EEF2KMT: variants seen among roughly 807,000 people sequenced by gnomAD.
The protein encoded by EEF2KMT is eukaryotic elongation factor 2 lysine methyltransferase, also known as protein-lysine N-methyltransferase EEF2KMT.
Under a neutral mutation model 35.1 loss-of-function variants are expected in EEF2KMT, and 30 were observed. That is an observed-to-expected ratio of 0.85 (90% CI 0.64 to 1.16). The LOEUF (loss-of-function observed/expected upper bound fraction) is 1.16, where lower values mean the gene tolerates loss of function less well. Among genes scored for constraint, EEF2KMT ranks in the 50% most tolerant of loss-of-function variants. EEF2KMT has a pLI of 0.00. For missense variants in EEF2KMT, 499 were observed against 438.2 expected (o/e 1.14, Z -1.24); for synonymous variants, 190 against 187.7 (o/e 1.01, Z -0.10).
chr16:5,086,374 CCACACACA>C (rs1219969980), intron 7 of EEF2KMT: 2 of 150,516 alleles, frequency 1.3e-5, no homozygotes, highest in Non-Finnish European at 2.9e-5. Context: ...ACACACACAC[CCACACACA>C]CACACAGCTT....
intron 4 of EEF2KMT, among the ~76,000 whole-genome samples, chr16:5,091,592 C>T (rs999909760): frequency 6.6e-6 from 1 of 152,226 alleles, no homozygotes; most frequent in African/African-American, 2.4e-5. Context: ...GATAAGTGCC[C>T]AACAACTCCA....
chr16:5,085,083 A>C lies in EEF2KMT; in HGVS notation c.*549T>G. ...CTTGATTTCTTCTCTGGAGGCTTGG[A>C]AACGCTTCCTCTCTTCTTCTGTTCT... On this transcript the variant is annotated 3_prime_UTR_variant, in exon 8 of 8. Coordinates refer to ENST00000427587, the MANE Select transcript of EEF2KMT (RefSeq NM_201400.4). 7.7e-6 allele frequency: 7 copies of C among 910,750 alleles called. No homozygotes were observed. The South Asian group carries it at 1.1e-4, about 15-fold the overall frequency. The allele number at this position is 910,750 out of a possible 1,614,324, so 56.4% of individuals were successfully genotyped here.
In EEF2KMT at chr16:5,097,681, A is replaced by G. The variant is rs1350952333; in HGVS notation, c.59T>C (p.Phe20Ser). ...ELLLQSFERR[F>S]LAARTLRSFP... Reference sequence around the variant, plus strand: ...GGAGCGCAGTGTGCGTGCCGCCAGGAAGCGGCGCTCGAAACTCTGCAGCAA... The same window carrying G: ...GGAGCGCAGTGTGCGTGCCGCCAGGGAGCGGCGCTCGAAACTCTGCAGCAA... The change falls in exon 1 of 8, where the codon TTC becomes TCC. Residue 20 changes from phenylalanine to serine, a missense_variant. Phe to Ser is a radical substitution (Grantham distance 155). Coordinates refer to ENST00000427587, the MANE Select transcript of EEF2KMT (RefSeq NM_201400.4). 4 of 1,580,666 alleles carry G rather than the reference A, an allele frequency of 2.5e-6. No homozygotes were observed. The South Asian group carries it at 4.6e-5, about 18-fold the overall frequency.
Position 5,089,125 on chromosome 16 carries a change from G to C in EEF2KMT, c.874C>G (p.Leu292Val), listed in dbSNP as rs1461515785. The C allele has an allele frequency of 5.0e-6, 8 of 1,612,738 alleles. No individual in the cohort carries two copies. The highest frequency in any genetic ancestry group is 1.7e-5 in the Admixed American group (1 of 60,002). The change falls in exon 7 of 8, where the codon CTG (leucine) becomes GTG (valine). Residue 292 changes from leucine (L) to valine (V), a missense_variant. By Grantham distance (32) the Leu-to-Val change is conservative. Coordinates refer to ENST00000427587, the MANE Select transcript of EEF2KMT (RefSeq NM_201400.4). ...GGCTCACCTAGCTCGGTGGTGAACA[G>C]CTGGCACGTCTCTGGGTTGCGGACG... ...FTVRNPETCQLFTTELGRAGI... is the reference protein window; with the variant it reads ...FTVRNPETCQVFTTELGRAGI...
chr16:5,097,225 G>A (rs1346342089), intron 1 of EEF2KMT: 10 of 1,175,202 alleles, frequency 8.5e-6, no homozygotes, highest in Non-Finnish European at 1.1e-5. Flanking sequence ...TGAGAATACT[G>A]AGGCACGAGG....
chr16:5,091,035 C>T (rs549025095), intron 4 of EEF2KMT, among the ~76,000 whole-genome samples: 33 of 152,220 alleles, frequency 2.2e-4, no homozygotes, highest in African/African-American at 7.2e-4. Flanking sequence ...CTGCCTCAGC[C>T]GCCCAGGTAG....
chr16:5,088,262 G>A (rs1343538747), intron 7 of EEF2KMT, among the ~76,000 whole-genome samples: 1 of 29,160 alleles, frequency 3.4e-5, no homozygotes, highest in Non-Finnish European at 7.3e-5. Context: ...CGAGGTTGTG[G>A]GGGGACTCTG....
Position 5,091,807 on chromosome 16 carries a change from C to T in EEF2KMT, c.329G>A (p.Arg110Gln), listed in dbSNP as rs556347926. 9.1e-5 allele frequency: 147 copies of T among 1,611,782 alleles called. No individual in the cohort carries two copies. The highest frequency in any genetic ancestry group is 2.5e-4 in the Admixed American group (15 of 60,008). Residue 110 changes from arginine to glutamine, a missense_variant, in exon 4 of 8, where the codon CGG becomes CAG. By Grantham distance (43) the Arg-to-Gln change is conservative (BLOSUM62 1). Coordinates refer to ENST00000427587, the MANE Select transcript of EEF2KMT (RefSeq NM_201400.4). ...CCCTTCTCATACCAGCAAATAGCTCCGGTGGCCCTGGGTGGACTCCTTGGC... is the reference window on the plus strand; with the variant it reads ...CCCTTCTCATACCAGCAAATAGCTCTGGTGGCCCTGGGTGGACTCCTTGGC... ...LMAKESTQGHRSYLLPSGGSV... is the reference protein window; with the variant it reads ...LMAKESTQGHQSYLLPSGGSV...
chr16:5,094,161 G>A (rs566785626), intron 2 of EEF2KMT, among the ~76,000 whole-genome samples: 3 of 152,346 alleles, frequency 2.0e-5, no homozygotes, highest in South Asian at 2.1e-4. Context: ...TGGAGGGAGA[G>A]GGAGGAGACG....
In EEF2KMT at chr16:5,097,691, C is replaced by G. The variant is rs184805059; in HGVS notation, c.49G>C (p.Glu17Gln). ...GTGCGTGCCGCCAGGAAGCGGCGCT[C>G]GAAACTCTGCAGCAAGAGTTCGGTC... Reference protein sequence around the residue: ...AGTELLLQSFERRFLAARTLR... With the variant: ...AGTELLLQSFQRRFLAARTLR... Residue 17 changes from glutamate (E) to glutamine (Q), a missense_variant, in exon 1 of 8, where the codon GAG (glutamate) becomes CAG (glutamine). By Grantham distance (29) the Glu-to-Gln change is conservative. Coordinates refer to ENST00000427587, the MANE Select transcript of EEF2KMT (RefSeq NM_201400.4). 2,042 of 1,581,064 alleles carry G rather than the reference C, an allele frequency of 1.3e-3. 19 individuals carry two copies. In the African/African-American group the frequency reaches 0.024, roughly 19 times the overall value.
intron 3 of EEF2KMT, among the ~76,000 whole-genome samples, chr16:5,092,219 G>A (rs367874780): frequency 2.0e-5 from 3 of 152,124 alleles, no homozygotes; most frequent in African/African-American, 7.2e-5. Context: ...GGGAGGGTAG[G>A]GTTAGGTGTA....
At chr16:5,088,433 CAG>C (rs1427503921) in intron 7 of EEF2KMT, among the ~76,000 whole-genome samples, 4 of 152,070 alleles carry the variant, frequency 2.6e-5, no homozygotes, top group African/African-American at 4.8e-5. Flanking sequence ...GGGCTGTGCT[CAG>C]GGGGAGCTGG....
Position 5,084,595 on chromosome 16 carries a change from G to C in EEF2KMT, c.*1037C>G. On this transcript the variant is annotated 3_prime_UTR_variant, in exon 8 of 8. Coordinates refer to ENST00000427587, the MANE Select transcript of EEF2KMT (RefSeq NM_201400.4). ...TGTGATGTCAAGTTGGAGGCGGAGT[G>C]CTGCTGGGGTGTGAAGGGTCTCGAG... 8.6e-7 allele frequency: 1 copy of C among 1,167,934 alleles called. No individual in the cohort carries two copies. Among genetic ancestry groups the C allele is most frequent in the Non-Finnish European group, 1.2e-6 (1 of 814,558 alleles). 72.3% of individuals were successfully genotyped at this position (1,167,934 alleles called of 1,614,324 possible). A position where few individuals can be genotyped will look rare whatever the true frequency, so the allele number is the denominator to read the frequency against.
Position 5,094,234 on chromosome 16 carries a change from C to T in EEF2KMT, c.160-670G>A, listed in dbSNP as rs557404312. 1.3e-4 allele frequency among the ~76,000 whole-genome samples: 20 copies of T among 152,280 alleles called. 1 individual carries two copies. The South Asian group carries it at 2.9e-3, about 22-fold the overall frequency. On this transcript the variant is annotated intron_variant, in intron 2 of 7. Coordinates refer to ENST00000427587, the MANE Select transcript of EEF2KMT (RefSeq NM_201400.4). ...TGCCCAAGGGCAGCAAAGTACCCCA[C>T]GCAATACACAGGCTCTTCAGGCTGG... is the stretch of plus-strand genomic sequence containing the variant.
chr16:5,093,426 T>G, intron 3 of EEF2KMT, 58 bp downstream of exon 3: 3 of 1,605,286 alleles, frequency 1.9e-6, no homozygotes, highest in Non-Finnish European at 2.5e-6. Context: ...GGACGGGGGC[T>G]CCAGCACGCA....
At chr16:5,097,593 C>T in intron 1 of EEF2KMT, 51 bp downstream of exon 1, 2 of 1,529,356 alleles carry the variant, frequency 1.3e-6, no homozygotes, top group East Asian at 2.5e-5. Flanking sequence ...TCCCGTCTGC[C>T]CCTGGACTCC....
chr16:5,092,063 G>C, intron 3 of EEF2KMT, 168 bp from the exon 4 acceptor site: 1 of 1,297,844 alleles, frequency 7.7e-7, no homozygotes, highest in Non-Finnish European at 1.0e-6. Context: ...GTGCCGAATA[G>C]TCCCAGCTAC....
Position 5,089,161 on chromosome 16 carries a change from C to T in EEF2KMT, c.838G>A (p.Val280Met), listed in dbSNP as rs1047462. The T allele has an allele frequency of 3.3e-5, 53 of 1,612,286 alleles. No individual in the cohort carries two copies. The highest frequency in any genetic ancestry group is 4.5e-5 in the East Asian group (2 of 44,878). The change falls in exon 7 of 8, where the codon GTG becomes ATG. Residue 280 changes from valine to methionine, a missense_variant. Val to Met is a conservative substitution (Grantham distance 21, BLOSUM62 1). Coordinates refer to ENST00000427587, the MANE Select transcript of EEF2KMT (RefSeq NM_201400.4). Reference sequence around the variant, plus strand: ...TCTGGGTTGCGGACGGTAAAGGCCACGTAGACCTCAGGAGCCCGCTGGTGC... The same window carrying T: ...TCTGGGTTGCGGACGGTAAAGGCCATGTAGACCTCAGGAGCCCGCTGGTGC... ...REHQRAPEVYVAFTVRNPETC... is the reference protein window; with the variant it reads ...REHQRAPEVYMAFTVRNPETC...
chr16:5,092,319 C>T (rs1189298961), intron 3 of EEF2KMT, among the ~76,000 whole-genome samples: 1 of 152,168 alleles, frequency 6.6e-6, no homozygotes, highest in African/African-American at 2.4e-5. Flanking sequence ...AGGAGGAAAA[C>T]AAAAGGTGCT....
Sources: allele counts gnomAD v4.1 joint callset (sites outside exome capture counted in the v4.1 genomes callset), GRCh38; gene constraint gnomAD v4.1.1; transcripts MANE v1.5; gene names NCBI Gene and HGNC (gene_info 2026-07-23, HGNC 2026-07-21).